Variants in VPS13C observed in about 807,000 individuals in gnomAD.
The protein encoded by VPS13C is intermembrane lipid transfer protein VPS13C.
In VPS13C, 358 loss-of-function variants were observed where a neutral mutation model predicts 456.8. The ratio of observed to expected loss-of-function variants is 0.78; its 90% confidence interval spans 0.72 to 0.86. VPS13C has a LOEUF of 0.86. Ranked by LOEUF, VPS13C falls within the 40% of genes least tolerant of loss-of-function variation. The pLI, the probability that VPS13C is intolerant of heterozygous loss-of-function variation, is 0.00. For synonymous variants in VPS13C, 1,578 were observed against 1,486.7 expected (o/e 1.06, Z -1.41); for missense variants, 4,818 against 4,385.4 (o/e 1.10, Z -2.79).
intron 3 of VPS13C, among the ~76,000 whole-genome samples, chr15:62,039,649 A>G (rs917216205): frequency 2.6e-5 from 4 of 152,312 alleles, no homozygotes; most frequent in African/African-American, 9.6e-5. Context: ...AATCAAAACT[A>G]CAATGATATA....
chr15:61,854,938 T>C lies in VPS13C; in HGVS notation c.11093A>G (p.His3698Arg), dbSNP rs754688210. 3.7e-6 allele frequency: 6 copies of C among 1,612,730 alleles called. No homozygotes were observed. The African/African-American group carries it at 8.0e-5, about 22-fold the overall frequency. Residue 3698 changes from histidine to arginine, a missense_variant, in exon 84 of 85, where the codon CAC (histidine) becomes CGC (arginine). His to Arg is a conservative substitution (Grantham distance 29). This residue lies in a region of VPS13C where 261 missense variants were observed against 234.1 expected (regional missense o/e 1.11). Transcript: ENST00000644861. ...GCCTTGATTGGCACTGTCTTTTTTG[T>C]GGAACAGACCCTGTTCCTGTTTCAA... Reference protein sequence around the residue: ...KISVKEQGLFHKKDSANQGCV... With the variant: ...KISVKEQGLFRKKDSANQGCV...
chr15:61,854,412 C>T lies in VPS13C; in HGVS notation c.*45G>A. 1 of 1,512,448 alleles carries T rather than the reference C, an allele frequency of 6.6e-7. No individual in the cohort carries two copies. Among genetic ancestry groups the T allele is most frequent in the South Asian group, 1.1e-5 (1 of 89,014 alleles). The allele number at this position is 1,512,448 out of a possible 1,614,324, so 93.7% of individuals were successfully genotyped here. A position where few individuals can be genotyped will look rare whatever the true frequency, so the allele number is the denominator to read the frequency against. ...AAAGCAGAGTGACTTATAGACAAGACCAGTGATTGTTTTTTCTCCCTGTTG... is the reference window on the plus strand; with the variant it reads ...AAAGCAGAGTGACTTATAGACAAGATCAGTGATTGTTTTTTCTCCCTGTTG... On this transcript the variant is annotated 3_prime_UTR_variant, in exon 85 of 85. Transcript: ENST00000644861.
chr15:61,978,043 CTAAG>C (rs2045760038), intron 23 of VPS13C, among the ~76,000 whole-genome samples: 1 of 151,758 alleles, frequency 6.6e-6, no homozygotes, highest in South Asian at 2.1e-4. Flanking sequence ...CTTCTAGAAA[CTAAG>C]TAAGTCTTTA....
intron 49 of VPS13C, among the ~76,000 whole-genome samples, chr15:61,931,579 C>CT (rs375639929): frequency 0.011 from 1,479 of 137,864 alleles, 9 homozygotes; most frequent in Non-Finnish European, 0.017. Context: ...TAAATTTTTT[C>CT]TTTTTTTTTT....
At chr15:61,996,641 T>C (rs2046392388) in intron 16 of VPS13C, among the ~76,000 whole-genome samples, 2 of 151,892 alleles carry the variant, frequency 1.3e-5, no homozygotes, top group Admixed American at 1.3e-4. Flanking sequence ...AAGATTGGAA[T>C]CTTCAATAGA....
In VPS13C at chr15:62,060,340, T is replaced by A; in HGVS notation, c.35A>T (p.Asn12Ile). The A allele has an allele frequency of 6.2e-7, 1 of 1,605,366 alleles. No individual in the cohort carries two copies. The highest frequency in any genetic ancestry group is 8.5e-7 in the Non-Finnish European group (1 of 1,176,640). The stretch of plus-strand genomic sequence containing the variant: ...CTCCACATAGTCCCCCAGGAAGCGG[T>A]TCAGCAAGTCCGCGACCACCGACTC... ...VLESVVADLL[N>I]RFLGDYVENL... The change falls in exon 1 of 85, where the codon AAC becomes ATC. Residue 12 changes from asparagine to isoleucine, a missense_variant. Physicochemically the swap from Asn to Ile is moderately radical, Grantham distance 149 (BLOSUM62 -3). Around this residue, in one of 3 missense-constraint regions of VPS13C, gnomAD observed 4,552 missense variants for 4,130.6 expected, o/e 1.10. Coordinates refer to ENST00000644861, the MANE Select transcript of VPS13C (RefSeq NM_020821.3).
Position 61,919,288 on chromosome 15 carries a change from C to A in VPS13C, c.7638+1G>T. On this transcript the variant is annotated splice_donor_variant, in intron 58 of 84. Transcript: ENST00000644861. LOFTEE classifies it high-confidence loss of function. Reference sequence around the variant, plus strand: ...GGATACAATTAACTTTGAAGTATTACCTGTAGAGGAGAGCGAAGGGTAATT... The same window carrying A: ...GGATACAATTAACTTTGAAGTATTAACTGTAGAGGAGAGCGAAGGGTAATT... 1 of 1,587,314 alleles carries A rather than the reference C, an allele frequency of 6.3e-7. No homozygotes were observed. Among genetic ancestry groups the A allele is most frequent in the South Asian group, 1.2e-5 (1 of 85,510 alleles).
intron 3 of VPS13C, among the ~76,000 whole-genome samples, chr15:62,037,243 TATAA>T (rs2048041459): frequency 3.6e-5 from 1 of 27,756 alleles, no homozygotes; most frequent in Non-Finnish European, 6.6e-5. Flanking sequence ...TATAAATATA[TATAA>T]TATATTTATA....
At chr15:61,883,373 A>G (rs572733518) in intron 68 of VPS13C, among the ~76,000 whole-genome samples, 82 of 152,130 alleles carry the variant, frequency 5.4e-4, no homozygotes, top group African/African-American at 1.9e-3. Context: ...TTTGCAATCA[A>G]TAATTGAGAG....
chr15:62,023,414 A>C lies in VPS13C; in HGVS notation c.621T>G (p.Asp207Glu). ...TGAGTAAATAAAAATTACTTACATC[A>C]TCTTCATATTTAATGTGAATATCTG... is the stretch of plus-strand genomic sequence containing the variant. ...KITDIHIKYE[D>E]DVTDPKRPLS... Residue 207 changes from aspartate to glutamate, a missense_variant, in exon 8 of 85, where the codon GAT (aspartate) becomes GAG (glutamate). This residue lies in a region of VPS13C where 4,552 missense variants were observed against 4,130.6 expected (regional missense o/e 1.10). Coordinates refer to ENST00000644861, the MANE Select transcript of VPS13C (RefSeq NM_020821.3). 1.4e-6 allele frequency: 2 copies of C among 1,478,732 alleles called. No homozygotes were observed. The highest frequency in any genetic ancestry group is 1.8e-6 in the Non-Finnish European group (2 of 1,098,924). 91.6% of individuals were successfully genotyped at this position (1,478,732 alleles called of 1,614,324 possible). A position where few individuals can be genotyped will look rare whatever the true frequency, so the allele number is the denominator to read the frequency against.
At position 62,012,101 on chromosome 15, in the gene VPS13C, A is replaced by G; in HGVS notation, c.883+6T>C. On this transcript the variant is annotated splice_donor_region_variant and intron_variant, in intron 12 of 84. Coordinates refer to ENST00000644861, the MANE Select transcript of VPS13C (RefSeq NM_020821.3). ...TAACATGAAATAAACTTTTACTATT[A>G]CTTACTGTATTGATAATTTGGGGGT... 1 of 1,462,190 alleles carries G rather than the reference A, an allele frequency of 6.8e-7. No individual in the cohort carries two copies. The allele number at this position is 1,462,190 out of a possible 1,614,324, so 90.6% of individuals were successfully genotyped here.
intron 20 of VPS13C, among the ~76,000 whole-genome samples, chr15:61,983,252 G>C (rs1419928234): frequency 6.6e-6 from 1 of 152,106 alleles, no homozygotes; most frequent in East Asian, 1.9e-4. Context: ...TCAACAAGGT[G>C]GGGCGAACCT....
At chr15:61,874,844 T>C (rs1226107376) in intron 77 of VPS13C, 32 bp downstream of exon 77, 1 of 1,514,928 alleles carries the variant, frequency 6.6e-7, no homozygotes, top group Non-Finnish European at 8.9e-7. Flanking sequence ...TAATAAAAAA[T>C]ATACACATAT....
chr15:61,959,576 T>C lies in VPS13C; in HGVS notation c.3928A>G (p.Ile1310Val), dbSNP rs2045125658. 6.2e-7 allele frequency: 1 copy of C among 1,612,460 alleles called. No homozygotes were observed. The highest frequency in any genetic ancestry group is 1.3e-5 in the African/African-American group (1 of 74,892). Reference sequence around the variant, plus strand: ...AACAGCTGAATATCAGGATGGTAGATGCCTGGCTGGATCACTGTCCTACGA... The same window carrying C: ...AACAGCTGAATATCAGGATGGTAGACGCCTGGCTGGATCACTGTCCTACGA... ...TLYRTVIQPGIYHPDIQLLHP... is the reference protein window; with the variant it reads ...TLYRTVIQPGVYHPDIQLLHP... Residue 1310 changes from isoleucine (I) to valine (V), a missense_variant, in exon 36 of 85, where the codon ATC becomes GTC. Ile to Val is a conservative substitution (Grantham distance 29). Around this residue, in one of 3 missense-constraint regions of VPS13C, gnomAD observed 4,552 missense variants for 4,130.6 expected, o/e 1.10. Transcript: ENST00000644861.
chr15:62,048,895 T>C (rs1459175832), intron 1 of VPS13C, among the ~76,000 whole-genome samples: 1 of 152,230 alleles, frequency 6.6e-6, no homozygotes, highest in East Asian at 1.9e-4. Flanking sequence ...GCTGCATAAA[T>C]GTCTTCTTTT....
At chr15:61,942,147 A>C (rs1278893397) in intron 45 of VPS13C, 80 bp from the exon 46 acceptor site, 4 of 1,253,910 alleles carry the variant, frequency 3.2e-6, no homozygotes, top group Non-Finnish European at 3.3e-6. Flanking sequence ...TTTACTTTAA[A>C]AACTAAATAA....
At chr15:61,973,267 A>G (rs1290347683) in intron 26 of VPS13C, among the ~76,000 whole-genome samples, 187 bp downstream of exon 26, 2 of 152,194 alleles carry the variant, frequency 1.3e-5, no homozygotes, top group Non-Finnish European at 2.9e-5. Context: ...CATTTGTCCA[A>G]CGAAGACAGA....
intron 15 of VPS13C, among the ~76,000 whole-genome samples, chr15:62,001,920 G>A (rs2046635112): frequency 6.6e-6 from 1 of 152,056 alleles, no homozygotes; most frequent in African/African-American, 2.4e-5. Flanking sequence ...GTCTATCATT[G>A]TTGGACATTT....
chr15:62,018,518 G>A (rs1314459917), intron 9 of VPS13C, among the ~76,000 whole-genome samples: 1 of 151,600 alleles, frequency 6.6e-6, no homozygotes, highest in Non-Finnish European at 1.5e-5. Context: ...TTTTGTCAAA[G>A]GCCTTTTCTG....
Sources: gnomAD v4.1 joint callset for allele counts (sites outside exome capture counted in the v4.1 genomes callset) on GRCh38, gnomAD v4.1.1 for gene constraint, gnomAD v4.1.1 regional missense constraint, MANE v1.5 for transcripts, NCBI Gene and HGNC (gene_info 2026-07-23, HGNC 2026-07-21) for gene names.